KATNIP: variants seen among roughly 807,000 people sequenced by gnomAD.
KATNIP encodes the protein katanin-interacting protein.
A neutral mutation model predicts 174.0 loss-of-function variants in KATNIP; 126 were observed. That is an observed-to-expected ratio of 0.72 (90% CI 0.63 to 0.84). The LOEUF (loss-of-function observed/expected upper bound fraction) is 0.84. Ranked by LOEUF, KATNIP falls within the 40% of genes least tolerant of loss-of-function variation. KATNIP has a pLI of 0.00. For missense variants in KATNIP, 1,958 were observed against 2,109.7 expected, an observed-to-expected ratio of 0.93 and a Z score of 1.41; for synonymous variants, 810 against 835.7, an observed-to-expected ratio of 0.97 and a Z score of 0.53.
chr16:27,756,319 A>G (rs1410675601), intron 18 of KATNIP, among the ~76,000 whole-genome samples: 1 of 152,190 alleles, frequency 6.6e-6, no homozygotes, highest in Non-Finnish European at 1.5e-5. Context: ...TTAAAGGCCA[A>G]CCTAACATTA....
At chr16:27,676,175 A>G (rs182505660) in intron 6 of KATNIP, among the ~76,000 whole-genome samples, 1 of 152,322 alleles carries the variant, frequency 6.6e-6, no homozygotes. Context: ...AAACAGACCA[A>G]ATCTTCAGCA....
intron 3 of KATNIP, among the ~76,000 whole-genome samples, chr16:27,624,914 A>T (rs1385698079): frequency 6.6e-6 from 1 of 152,218 alleles, no homozygotes; most frequent in Non-Finnish European, 1.5e-5. Context: ...GCGGGGGAAG[A>T]AGAATAAACA....
At position 27,761,360 on chromosome 16, in the gene KATNIP, A is replaced by G. The variant is rs2081948236; in HGVS notation, c.3632-53A>G. The stretch of plus-strand genomic sequence containing the variant: ...ATTCCTCTTCCTGTCTTCATTTTAG[A>G]TGCCTCCTCTGGAGCCTCTGGTGCT... On this transcript the variant is annotated intron_variant, in intron 18 of 27. Coordinates refer to ENST00000261588, the MANE Select transcript of KATNIP (RefSeq NM_015202.5). The G allele has an allele frequency of 4.0e-6, 6 of 1,515,852 alleles. No homozygotes were observed. In the South Asian group the frequency reaches 7.4e-5, roughly 19 times the overall value. 93.9% of individuals were successfully genotyped at this position (1,515,852 alleles called of 1,614,324 possible). A position where few individuals can be genotyped will look rare whatever the true frequency, so the allele number is the denominator to read the frequency against.
intron 8 of KATNIP, among the ~76,000 whole-genome samples, chr16:27,690,375 A>G (rs963029443): frequency 2.2e-5 from 3 of 135,010 alleles, no homozygotes; most frequent in Non-Finnish European, 4.9e-5. Flanking sequence ...ATAGATAGAT[A>G]GATAGATAGA....
intron 5 of KATNIP, among the ~76,000 whole-genome samples, chr16:27,635,599 G>A (rs1418753532): frequency 1.3e-5 from 2 of 151,176 alleles, no homozygotes; most frequent in East Asian, 3.9e-4. Context: ...AAGGCTCTAG[G>A]GTTCAAAAAA....
chr16:27,698,866 G>A (rs2079004330), intron 9 of KATNIP, among the ~76,000 whole-genome samples: 1 of 152,204 alleles, frequency 6.6e-6, no homozygotes, highest in Non-Finnish European at 1.5e-5. Context: ...TCATTCCCGA[G>A]CGTGGGCCCT....
At chr16:27,687,281 A>G (rs2078559500) in intron 8 of KATNIP, 1 of 151,670 alleles carries the variant, frequency 6.6e-6, no homozygotes, top group Non-Finnish European at 1.5e-5. Context: ...TTCATTCTCC[A>G]TGCCTTCAAA....
chr16:27,676,044 T>C (rs1313156320), intron 6 of KATNIP, among the ~76,000 whole-genome samples: 1 of 152,218 alleles, frequency 6.6e-6, no homozygotes, highest in African/African-American at 2.4e-5. Context: ...TTTTAGAATC[T>C]TCTGCAATCT....
rs765927078 is a variant in KATNIP, at chr16:27,777,124, C to G, written c.4551+95C>G. On this transcript the variant is annotated intron_variant, in intron 25 of 27. Coordinates refer to ENST00000261588, the MANE Select transcript of KATNIP (RefSeq NM_015202.5). This position sits in a 1 kb window ranked among gnomAD's most constrained non-coding sequence, Gnocchi z 4.4. ...ATTTGTCGCAGTTTGATTTACTTCTCTCTGTTGCAACCCTCAACACAAATG... is the reference window on the plus strand; with the variant it reads ...ATTTGTCGCAGTTTGATTTACTTCTGTCTGTTGCAACCCTCAACACAAATG... 1 of 839,306 alleles carries G rather than the reference C, an allele frequency of 1.2e-6. No homozygotes were observed. 52.0% of individuals were successfully genotyped at this position (839,306 alleles called of 1,614,324 possible).
At chr16:27,656,813 G>A (rs1441726305) in intron 6 of KATNIP, among the ~76,000 whole-genome samples, 5 of 148,872 alleles carry the variant, frequency 3.4e-5, no homozygotes, top group Non-Finnish European at 7.4e-5. Flanking sequence ...GGGAGGGATA[G>A]CATTGGGAGA....
chr16:27,561,744 T>G (rs2089893440), intron 1 of KATNIP, among the ~76,000 whole-genome samples: 1 of 152,184 alleles, frequency 6.6e-6, no homozygotes, highest in Non-Finnish European at 1.5e-5. Context: ...CCCAAACTAT[T>G]TAGAAACATT....
intron 18 of KATNIP, among the ~76,000 whole-genome samples, chr16:27,760,514 C>T (rs934458681): frequency 1.3e-5 from 2 of 152,192 alleles, no homozygotes; most frequent in African/African-American, 2.4e-5. Context: ...ATGGCGGTAT[C>T]ACCCTAGGTC....
At chr16:27,763,015 A>G (rs1041100312) in intron 19 of KATNIP, among the ~76,000 whole-genome samples, 1 of 152,172 alleles carries the variant, frequency 6.6e-6, no homozygotes, top group African/African-American at 2.4e-5. Flanking sequence ...TCCTGGTACC[A>G]TTGTTATACT....
intron 1 of KATNIP, among the ~76,000 whole-genome samples, chr16:27,572,158 G>T (rs1433997246): frequency 6.6e-6 from 1 of 152,036 alleles, no homozygotes; most frequent in Non-Finnish European, 1.5e-5. Context: ...GTTTATGCCT[G>T]TAATCCCAGC....
chr16:27,712,722 C>T (rs1051581690), intron 13 of KATNIP, among the ~76,000 whole-genome samples: 1 of 152,172 alleles, frequency 6.6e-6, no homozygotes, highest in African/African-American at 2.4e-5. Context: ...CCCAGCCCTG[C>T]CTGCCCCTCT....
chr16:27,689,995 G>A (rs962760730), intron 8 of KATNIP, among the ~76,000 whole-genome samples: 2 of 152,242 alleles, frequency 1.3e-5, no homozygotes, highest in Admixed American at 1.3e-4. Context: ...CTAATGTCCT[G>A]TTAGCCAAAG....
chr16:27,766,627 G>A (rs181762463), intron 20 of KATNIP, among the ~76,000 whole-genome samples, 153 bp downstream of exon 20: 2 of 152,340 alleles, frequency 1.3e-5, no homozygotes, highest in African/African-American at 4.8e-5. Context: ...GAGAGCTGCT[G>A]TTTCCTTCTG....
intron 3 of KATNIP, among the ~76,000 whole-genome samples, chr16:27,627,468 A>G (rs942274402): frequency 6.6e-6 from 1 of 152,234 alleles, no homozygotes; most frequent in Non-Finnish European, 1.5e-5. Flanking sequence ...GTAATAAGGC[A>G]TCTTTAAACA....
chr16:27,690,884 G>A (rs917240926), intron 8 of KATNIP, among the ~76,000 whole-genome samples: 13 of 152,262 alleles, frequency 8.5e-5, no homozygotes, highest in African/African-American at 3.1e-4. Flanking sequence ...CTGTTCCAGG[G>A]TTGCCAGATG....
Sources: gnomAD v4.1 joint callset for allele counts (sites outside exome capture counted in the v4.1 genomes callset) on GRCh38, gnomAD v4.1.1 for gene constraint, Gnocchi (gnomAD v3.1) non-coding constraint, MANE v1.5 for transcripts, NCBI Gene and HGNC (gene_info 2026-07-23, HGNC 2026-07-21) for gene names.